DCST2: variants seen among roughly 807,000 people sequenced by gnomAD.
DCST2 encodes the protein DC-STAMP domain containing 2.
In DCST2, 64 loss-of-function variants were observed where a neutral mutation model predicts 81.8. The ratio of observed to expected loss-of-function variants is 0.78; its 90% CI spans 0.64 to 0.96. DCST2 has a LOEUF of 0.96. DCST2 is among the 40% of genes least tolerant of loss of function. The probability of loss-of-function intolerance (pLI) is 0.00; values close to 1 mark genes in which losing one functional copy is unlikely to be tolerated. For missense variants in DCST2, 945 were observed against 1,001.4 expected, an observed-to-expected ratio of 0.94 and a Z score of 0.76; for synonymous variants, 354 against 402.6, an observed-to-expected ratio of 0.88 and a Z score of 1.44.
Position 155,033,081 on chromosome 1 carries a change from G to A in DCST2, c.439+13C>T, listed in dbSNP as rs1456279468. On this transcript the variant is annotated intron_variant, in intron 2 of 14. Coordinates refer to ENST00000368424, the MANE Select transcript of DCST2 (RefSeq NM_144622.3). ...GGGCCCGTGGGAGACAGTGGTAGAG[G>A]TGGGGGACTTACTGACAAGAGGTTG... 5.5e-5 allele frequency: 86 copies of A among 1,552,580 alleles called. No individual in the cohort carries two copies. Among genetic ancestry groups the A allele is most frequent in the Non-Finnish European group, 7.1e-5 (81 of 1,148,822 alleles).
rs372342235 is a variant in DCST2, at chr1:155,023,480, G to T, written c.1871-23C>A. ...GACCTGGTGGAGGCCATGGGGAATG[G>T]AGGTGAACCCGAGTTCACCCACCCA... On this transcript the variant is annotated intron_variant, in intron 12 of 14. Coordinates refer to ENST00000368424, the MANE Select transcript of DCST2 (RefSeq NM_144622.3). The T allele has an allele frequency of 4.5e-5, 71 of 1,568,758 alleles. 1 individual carries two copies. In the South Asian group the frequency reaches 6.1e-4, roughly 13 times the overall value.
In DCST2 at chr1:155,030,606, T is replaced by A; in HGVS notation, c.845A>T (p.Glu282Val). The A allele has an allele frequency of 1.2e-6, 2 of 1,614,020 alleles. No homozygotes were observed. The highest frequency in any genetic ancestry group is 1.7e-6 in the Non-Finnish European group (2 of 1,180,004). The change falls in exon 6 of 15, where the codon GAG (glutamate) becomes GTG (valine). Residue 282 changes from glutamate to valine, a missense_variant. Transcript: ENST00000368424. ...GTGGTGGGTGGCTGTCATGTTGAAC[T>A]CAAACTCCTGACGCACCCGGTTGAG... ...QLLNRVRQEFEFNMTATHHFS... is the reference protein window; with the variant it reads ...QLLNRVRQEFVFNMTATHHFS...
At position 155,026,602 on chromosome 1, in the gene DCST2, G is replaced by A. The variant is rs759621213; in HGVS notation, c.1456C>T (p.Arg486Trp). 2.8e-5 allele frequency: 46 copies of A among 1,614,088 alleles called. No individual in the cohort carries two copies. Among genetic ancestry groups the A allele is most frequent in the South Asian group, 5.5e-5 (5 of 91,088 alleles). The change falls in exon 9 of 15, where the codon CGG becomes TGG. Residue 486 changes from arginine (R) to tryptophan (W), a missense_variant. Transcript: ENST00000368424. The stretch of plus-strand genomic sequence containing the variant: ...TCCGAGGGACGAAGGAGACAACGCC[G>A]GGACAAAATACTGATGTTGCCTTGC... ...LQQGNISILS[R>W]RCLLRPSEPD...
chr1:155,023,621 C>T (rs112341316), intron 12 of DCST2, 164 bp from the exon 13 acceptor site: 12 of 1,546,976 alleles, frequency 7.8e-6, no homozygotes, highest in African/African-American at 6.8e-5. Flanking sequence ...CATATAAATC[C>T]TATTCATAAA....
At position 155,031,673 on chromosome 1, in the gene DCST2, C is replaced by T. The variant is rs370622842; in HGVS notation, c.640G>A (p.Asp214Asn). 20 of 1,614,028 alleles carry T rather than the reference C, an allele frequency of 1.2e-5. No homozygotes were observed. The highest frequency in any genetic ancestry group is 4.5e-5 in the East Asian group (2 of 44,886). ...ATCATGCAGCTGTCCTTGGCATCATCGAAAACCCGTGCACACTTCAGGTAA... is the reference window on the plus strand; with the variant it reads ...ATCATGCAGCTGTCCTTGGCATCATTGAAAACCCGTGCACACTTCAGGTAA... The part of the protein sequence containing the change: ...NPYLKCARVF[D>N]DAKDSCMMVI... Residue 214 changes from aspartate to asparagine, a missense_variant, in exon 4 of 15, where the codon GAT becomes AAT. Coordinates refer to ENST00000368424, the MANE Select transcript of DCST2 (RefSeq NM_144622.3).
At position 155,026,355 on chromosome 1, in the gene DCST2, C is replaced by T. The variant is rs1399014049; in HGVS notation, c.1558G>A (p.Val520Ile). The T allele has an allele frequency of 1.2e-6, 2 of 1,613,778 alleles. No individual in the cohort carries two copies. The highest frequency in any genetic ancestry group is 4.5e-5 in the East Asian group (2 of 44,896). ...CFFITLFGSY[V>I]SRLRRVICAS... ...CAGATGACTCGCCGCAGCCGGCTGACATAGCTGCCAAACAGGGTGATGAAG... is the reference window on the plus strand; with the variant it reads ...CAGATGACTCGCCGCAGCCGGCTGATATAGCTGCCAAACAGGGTGATGAAG... The change falls in exon 10 of 15, where the codon GTC becomes ATC. Residue 520 changes from valine (V) to isoleucine (I), a missense_variant. Val to Ile is a conservative substitution (Grantham distance 29, BLOSUM62 3). Transcript: ENST00000368424.
intron 4 of DCST2, among the ~76,000 whole-genome samples, 158 bp from the exon 5 acceptor site, chr1:155,031,392 C>T (rs1283273648): frequency 6.6e-6 from 1 of 152,012 alleles, no homozygotes; most frequent in African/African-American, 2.4e-5. Flanking sequence ...CCTTCTCTCC[C>T]AACACCAGTC....
Position 155,018,710 on chromosome 1 carries a change from G to A in DCST2, c.2156C>T (p.Pro719Leu), listed in dbSNP as rs898169705. 1 of 1,613,714 alleles carries A rather than the reference G, an allele frequency of 6.2e-7. No homozygotes were observed. The highest frequency in any genetic ancestry group is 8.5e-7 in the Non-Finnish European group (1 of 1,179,978). The change falls in exon 15 of 15, where the codon CCC (proline) becomes CTC (leucine). Residue 719 changes from proline (P) to leucine (L), a missense_variant. By Grantham distance (98) the Pro-to-Leu change is moderately conservative. Coordinates refer to ENST00000368424, the MANE Select transcript of DCST2 (RefSeq NM_144622.3). Reference protein sequence around the residue: ...GPQQRKHGQQPLPEAHQPVSI... With the variant: ...GPQQRKHGQQLLPEAHQPVSI... ...GACAGGCTGATGGGCTTCAGGTAAGGGCTGCTGCCCGTGCTTCCTCTGCTG... is the reference window on the plus strand; with the variant it reads ...GACAGGCTGATGGGCTTCAGGTAAGAGCTGCTGCCCGTGCTTCCTCTGCTG...
At chr1:155,026,795 T>C in intron 8 of DCST2, 80 bp from the exon 9 acceptor site, 7 of 1,556,900 alleles carry the variant, frequency 4.5e-6, no homozygotes, top group Non-Finnish European at 6.2e-6. Flanking sequence ...ATGAGGAAAG[T>C]GGAGCAGCGC....
At chr1:155,020,035 C>T (rs1295697574) in intron 14 of DCST2, among the ~76,000 whole-genome samples, 1 of 152,004 alleles carries the variant, frequency 6.6e-6, no homozygotes, top group African/African-American at 2.4e-5. Flanking sequence ...GGCTCAGCTG[C>T]TCAGGGGAAC....
In DCST2 at chr1:155,023,368, C is replaced by A; in HGVS notation, c.1960G>T (p.Glu654Ter). 6.2e-7 allele frequency: 1 copy of A among 1,608,584 alleles called. No individual in the cohort carries two copies. Among genetic ancestry groups the A allele is most frequent in the Non-Finnish European group, 8.5e-7 (1 of 1,177,420 alleles). Reference sequence around the variant, plus strand: ...CCATGTCACTGAAAGACTCACAGCTCCAGGTCCAGGTCCCCCTGGTAGGAG... The same window carrying A: ...CCATGTCACTGAAAGACTCACAGCTACAGGTCCAGGTCCCCCTGGTAGGAG... ...PLSYQGDLDL[E>*]LDSSDEEGPQ... Residue 654 changes from glutamate (E) to a stop codon, truncating the protein, a stop_gained, in exon 13 of 15, where the codon GAG becomes TAG. Coordinates refer to ENST00000368424, the MANE Select transcript of DCST2 (RefSeq NM_144622.3). LOFTEE classifies it high-confidence loss of function.
At chr1:155,031,515 T>TTCCCCCCCCCCCCCCC in intron 4 of DCST2, 59 bp downstream of exon 4, 1 of 643,124 alleles carries the variant, frequency 1.6e-6, no homozygotes, top group Non-Finnish European at 2.9e-6. Context: ...ACCCCCACAT[T>TTCCCCCCCCCCCCCCC]CCCACCCCAC....
chr1:155,027,015 C>T (rs1249141859), intron 8 of DCST2, among the ~76,000 whole-genome samples: 1 of 152,022 alleles, frequency 6.6e-6, no homozygotes, highest in East Asian at 1.9e-4. Flanking sequence ...CCATGACCAC[C>T]CAGAAGCATT....
intron 14 of DCST2, among the ~76,000 whole-genome samples, chr1:155,021,389 G>A (rs1192118206): frequency 6.6e-6 from 1 of 151,710 alleles, no homozygotes; most frequent in Non-Finnish European, 1.5e-5. Context: ...GGCCCACCTC[G>A]GCCTCCCAAA....
intron 4 of DCST2, 56 bp downstream of exon 4, chr1:155,031,518 C>CCCCCCCCCCCCCCCCCA: frequency 1.4e-6 from 1 of 701,990 alleles, no homozygotes; most frequent in Non-Finnish European, 2.6e-6. Flanking sequence ...CCCACATTCC[C>CCCCCCCCCCCCCCCCCA]ACCCCACCCC....
Position 155,033,192 on chromosome 1 carries a change from C to A in DCST2, c.341G>T (p.Arg114Leu). ...AGCCTCGCTGGCCCGGGTGAAGTTGCGTAGAGTGTTGGCACAAGGCCCTTG... is the reference window on the plus strand; with the variant it reads ...AGCCTCGCTGGCCCGGGTGAAGTTGAGTAGAGTGTTGGCACAAGGCCCTTG... Reference protein sequence around the residue: ...VLQGPCANTLRNFTRASEAVA... With the variant: ...VLQGPCANTLLNFTRASEAVA... The change falls in exon 2 of 15, where the codon CGC (arginine) becomes CTC (leucine). Residue 114 changes from arginine to leucine, a missense_variant. Transcript: ENST00000368424. 6.2e-7 allele frequency: 1 copy of A among 1,613,788 alleles called. No individual in the cohort carries two copies. Among genetic ancestry groups the A allele is most frequent in the Non-Finnish European group, 8.5e-7 (1 of 1,179,880 alleles).
rs533822369 is a variant in DCST2 at position 155,029,291 on chromosome 1, A to G, written c.1284T>C (p.Ala428=). ...LVLFLVFLDY[A]VFWVLDLARH... is the part of the protein sequence containing the mutation. ...GGGCCAGGTCAAGCACCCAGAAGAC[A>G]GCATAGTCTAGGAAGACTAGGAACA... is the stretch of plus-strand genomic sequence containing the variant. Residue 428 remains alanine, a synonymous_variant, in exon 8 of 15, where the codon GCT becomes GCC. Coordinates refer to ENST00000368424, the MANE Select transcript of DCST2 (RefSeq NM_144622.3). 21 of 1,614,120 alleles carry G rather than the reference A, an allele frequency of 1.3e-5. 1 individual carries two copies. The South Asian group carries it at 2.1e-4, about 16-fold the overall frequency.
chr1:155,022,969 C>T lies in DCST2; in HGVS notation c.2105+148G>A, dbSNP rs543883931. On this transcript the variant is annotated intron_variant, in intron 14 of 14. Transcript: ENST00000368424. ...GGCCACGGTGCTGACACAGAGCAGC[C>T]GCTTGGCAAACCTCAGTTACTTCCC... The T allele has an allele frequency of 3.2e-5, 41 of 1,286,434 alleles. 1 individual carries two copies. The highest frequency in any genetic ancestry group is 4.2e-5 in the Non-Finnish European group (39 of 937,848). 79.7% of individuals were successfully genotyped at this position (1,286,434 alleles called of 1,614,324 possible). A position where few individuals can be genotyped will look rare whatever the true frequency, so the allele number is the denominator to read the frequency against.
intron 12 of DCST2, 43 bp downstream of exon 12, chr1:155,023,789 G>A (rs1248025327): frequency 4.3e-6 from 7 of 1,609,716 alleles, no homozygotes; most frequent in Admixed American, 1.7e-5. Flanking sequence ...TGCAAGTGGG[G>A]TAAGTCCGAG....
Sources: allele counts gnomAD v4.1 joint callset (sites outside exome capture counted in the v4.1 genomes callset), GRCh38; gene constraint gnomAD v4.1.1; transcripts MANE v1.5; gene names NCBI Gene and HGNC (gene_info 2026-07-23, HGNC 2026-07-21).